The following ADAMTS6 variants were observed in gnomAD, a reference collection of about 807,000 sequenced individuals.
The protein encoded by ADAMTS6 is A disintegrin and metalloproteinase with thrombospondin motifs 6.
A neutral mutation model predicts 144.3 loss-of-function variants in ADAMTS6; 23 were observed. The ratio of observed to expected loss-of-function variants is 0.16; its 90% CI spans 0.11 to 0.23. ADAMTS6 has a LOEUF of 0.23. Ranked by LOEUF, ADAMTS6 falls within the 10% of genes least tolerant of loss-of-function variation. ADAMTS6 has a pLI of 1.00. For synonymous variants in ADAMTS6, 444 were observed against 457.5 expected, an observed-to-expected ratio of 0.97 and a Z score of 0.38; for missense variants, 999 against 1,379.6, an observed-to-expected ratio of 0.72 and a Z score of 4.37.
intron 3 of ADAMTS6, among the ~76,000 whole-genome samples, chr5:65,468,304 T>G (rs1038706532): frequency 2.0e-5 from 3 of 152,000 alleles, no homozygotes; most frequent in African/African-American, 4.8e-5. Context: ...CTTTGAAAAG[T>G]AGAATTTTTT....
intron 9 of ADAMTS6, among the ~76,000 whole-genome samples, chr5:65,309,255 G>A (rs866896063): frequency 1.3e-5 from 2 of 152,098 alleles, no homozygotes; most frequent in African/African-American, 4.8e-5. Context: ...TAGGAGCTCT[G>A]AGCTTGTTTT....
intron 19 of ADAMTS6, 41 bp downstream of exon 19, chr5:65,215,283 A>G (rs766391188): frequency 6.9e-6 from 11 of 1,596,954 alleles, no homozygotes; most frequent in Non-Finnish European, 9.4e-6. Flanking sequence ...CACAAGGGGG[A>G]ATTAAAAACA....
chr5:65,185,550 C>A (rs1754626348), intron 22 of ADAMTS6, among the ~76,000 whole-genome samples: 1 of 152,320 alleles, frequency 6.6e-6, no homozygotes, highest in East Asian at 1.9e-4. Context: ...TGTACTCCAG[C>A]CCCTCAGCAC....
At chr5:65,201,702 AAAT>A (rs1755748416) in intron 20 of ADAMTS6, among the ~76,000 whole-genome samples, 3 of 152,216 alleles carry the variant, frequency 2.0e-5, no homozygotes. Context: ...ACCAACATCT[AAAT>A]AATTTAACCT....
chr5:65,175,188 C>T (rs1753891948), intron 22 of ADAMTS6, among the ~76,000 whole-genome samples: 1 of 149,702 alleles, frequency 6.7e-6, no homozygotes, highest in South Asian at 2.1e-4. Context: ...CAGAGAGAGA[C>T]AGAGGAGGAA....
At chr5:65,227,914 C>T (rs561323107) in intron 15 of ADAMTS6, among the ~76,000 whole-genome samples, 8 of 152,232 alleles carry the variant, frequency 5.3e-5, no homozygotes, top group East Asian at 1.9e-4. Flanking sequence ...TGCCAACTTA[C>T]GACCTCTGGC....
At position 65,456,281 on chromosome 5, in the gene ADAMTS6, T is replaced by C. The variant is rs530052835; in HGVS notation, c.632-3363A>G. ...TTAGTAGTTCTTCAAATGATACCTG[T>C]TACACATGCTTTGCTCAATTTAATT... On this transcript the variant is annotated intron_variant, in intron 4 of 24. Coordinates refer to ENST00000381055, the MANE Select transcript of ADAMTS6 (RefSeq NM_197941.4). Among the ~76,000 whole-genome samples the C allele has an allele frequency of 1.4e-3, 219 of 152,286 alleles. 1 individual carries two copies. Among genetic ancestry groups the C allele is most frequent in the African/African-American group, 5.0e-3 (206 of 41,580 alleles).
chr5:65,375,605 A>G lies in ADAMTS6; in HGVS notation c.1074-41520T>C, dbSNP rs565604919. Among the ~76,000 whole-genome samples the G allele has an allele frequency of 9.7e-4, 147 of 152,050 alleles. 2 individuals are homozygous for G. Among genetic ancestry groups the G allele is most frequent in the African/African-American group, 3.2e-3 (131 of 41,324 alleles). On this transcript the variant is annotated intron_variant, in intron 7 of 24. Coordinates refer to ENST00000381055, the MANE Select transcript of ADAMTS6 (RefSeq NM_197941.4). ...AGAATGGCAATCATTAAAAAGTCAG[A>G]AAACAACAGGGGCTGAAGAAGATGT...
chr5:65,472,436 C>T (rs147207292), intron 2 of ADAMTS6, among the ~76,000 whole-genome samples: 183 of 151,994 alleles, frequency 1.2e-3, no homozygotes, highest in African/African-American at 4.1e-3. Context: ...TGTACAATGC[C>T]GAAAATACTA....
At chr5:65,298,338 A>G (rs1743053747) in intron 10 of ADAMTS6, among the ~76,000 whole-genome samples, 1 of 152,210 alleles carries the variant, frequency 6.6e-6, no homozygotes, top group African/African-American at 2.4e-5. Flanking sequence ...AAAAAAGATA[A>G]GAGCAACCAT....
chr5:65,222,965 A>C (rs1208701423), intron 18 of ADAMTS6, among the ~76,000 whole-genome samples: 2 of 152,132 alleles, frequency 1.3e-5, no homozygotes, highest in South Asian at 2.1e-4. Context: ...TATATCCAGA[A>C]TATATAAAGA....
intron 24 of ADAMTS6, among the ~76,000 whole-genome samples, chr5:65,169,648 A>G (rs561799545): frequency 9.7e-4 from 147 of 150,806 alleles, no homozygotes; most frequent in Non-Finnish European, 1.8e-3. Context: ...AATGTCCAAC[A>G]ATGATAGACT....
intron 15 of ADAMTS6, among the ~76,000 whole-genome samples, chr5:65,226,527 T>A (rs1757738884): frequency 6.6e-6 from 1 of 151,860 alleles, no homozygotes; most frequent in South Asian, 2.1e-4. Context: ...ATTTACAATT[T>A]TGGTAAAAAG....
Position 65,170,706 on chromosome 5 carries a change from G to A in ADAMTS6, c.3155C>T (p.Ala1052Val). 1.2e-6 allele frequency: 2 copies of A among 1,614,134 alleles called. No individual in the cohort carries two copies. Among genetic ancestry groups the A allele is most frequent in the Non-Finnish European group, 1.7e-6 (2 of 1,180,006 alleles). ...AACAGTTTCTAGACAGTCACTAGATGCCTGTCCGGTGTAGGAGAGACACTG... is the reference window on the plus strand; with the variant it reads ...AACAGTTTCTAGACAGTCACTAGATACCTGTCCGGTGTAGGAGAGACACTG... ...TVQCLSYTGQ[A>V]SSDCLETVRP... Residue 1052 changes from alanine (A) to valine (V), a missense_variant, in exon 24 of 25, where the codon GCA (alanine) becomes GTA (valine). Physicochemically the swap from Ala to Val is moderately conservative, Grantham distance 64. Transcript: ENST00000381055.
chr5:65,426,277 T>A (rs901291323), intron 7 of ADAMTS6, among the ~76,000 whole-genome samples: 2 of 151,196 alleles, frequency 1.3e-5, no homozygotes, highest in Admixed American at 1.3e-4. Context: ...CAGGCTGGTC[T>A]CGAACTCCTG....
intron 7 of ADAMTS6, among the ~76,000 whole-genome samples, chr5:65,437,167 T>C (rs1757496867): frequency 6.6e-6 from 1 of 151,224 alleles, no homozygotes; most frequent in South Asian, 2.1e-4. Context: ...CGATCTCGGC[T>C]CACTGCAAGC....
intron 22 of ADAMTS6, among the ~76,000 whole-genome samples, chr5:65,184,890 C>CG: frequency 6.6e-6 from 1 of 152,100 alleles, no homozygotes; most frequent in South Asian, 2.1e-4. Flanking sequence ...CTACAGTAGC[C>CG]GGCAGAGAAA....
intron 11 of ADAMTS6, among the ~76,000 whole-genome samples, chr5:65,280,733 T>C (rs1762924284): frequency 6.6e-6 from 1 of 152,232 alleles, no homozygotes; most frequent in Non-Finnish European, 1.5e-5. Context: ...CTTGTTTTCA[T>C]ACCTGAAGGA....
At chr5:65,315,327 G>A (rs1744883338) in intron 9 of ADAMTS6, among the ~76,000 whole-genome samples, 1 of 151,706 alleles carries the variant, frequency 6.6e-6, no homozygotes, top group Admixed American at 6.6e-5. Flanking sequence ...ACAAACTCAA[G>A]AGCAGCAACT....
Sources: gnomAD v4.1 joint callset for allele counts (sites outside exome capture counted in the v4.1 genomes callset) on GRCh38, gnomAD v4.1.1 for gene constraint, MANE v1.5 for transcripts, NCBI Gene and HGNC (gene_info 2026-07-23, HGNC 2026-07-21) for gene names.